The following GLP1R variants were observed in gnomAD, a reference collection of about 807,000 sequenced individuals.
The protein encoded by GLP1R is glucagon like peptide 1 receptor.
A neutral mutation model predicts 68.4 loss-of-function variants in GLP1R; 32 were observed. That is an observed-to-expected ratio of 0.47 (90% CI 0.35 to 0.63). GLP1R has a LOEUF of 0.63. Ranked by LOEUF, GLP1R falls within the 20% of genes least tolerant of loss-of-function variation. GLP1R has a pLI of 0.00. For synonymous variants in GLP1R, 263 were observed against 244.4 expected, an observed-to-expected ratio of 1.08 and a Z score of -0.71; for missense variants, 502 against 594.9, an observed-to-expected ratio of 0.84 and a Z score of 1.62.
intron 1 of GLP1R, among the ~76,000 whole-genome samples, chr6:39,054,052 C>G (rs1387750152): frequency 6.6e-6 from 1 of 152,126 alleles, no homozygotes; most frequent in African/African-American, 2.4e-5. Context: ...CCCCTTCACC[C>G]CAGCCCCACC....
chr6:39,066,132 A>G, intron 4 of GLP1R, 65 bp from the exon 5 acceptor site: 1 of 906,172 alleles, frequency 1.1e-6, no homozygotes, highest in Non-Finnish European at 1.8e-6. Context: ...GTGCCATGGG[A>G]AGGAAGATTG....
intron 3 of GLP1R, among the ~76,000 whole-genome samples, chr6:39,061,493 C>A (rs955039013): frequency 2.0e-5 from 3 of 152,132 alleles, no homozygotes; most frequent in African/African-American, 7.2e-5. Flanking sequence ...GAAACTCTGG[C>A]GGGTGCCTCC....
rs951010399 is a variant in GLP1R at position 39,049,572 on chromosome 6, G to A, written c.78+654G>A. Among the ~76,000 whole-genome samples, 3 of 152,012 alleles carry A rather than the reference G, an allele frequency of 2.0e-5. No homozygotes were observed. ...CAGCCTCTGTAGCAAACAGGCAGAAGGCTCAGTGCCCCCCTGGAAGCAGCC... is the reference window on the plus strand; with the variant it reads ...CAGCCTCTGTAGCAAACAGGCAGAAAGCTCAGTGCCCCCCTGGAAGCAGCC... On this transcript the variant is annotated intron_variant, in intron 1 of 12. Coordinates refer to ENST00000373256, the MANE Select transcript of GLP1R (RefSeq NM_002062.5). The surrounding 1 kb of genome is among the most constrained non-coding windows in gnomAD (Gnocchi z 4.5).
At chr6:39,072,099 T>C (rs1768685390) in intron 5 of GLP1R, among the ~76,000 whole-genome samples, 1 of 152,264 alleles carries the variant, frequency 6.6e-6, no homozygotes, top group Admixed American at 6.5e-5. Flanking sequence ...GCAACCTTGC[T>C]AAACTGTCTT....
In GLP1R at chr6:39,079,244, C is replaced by T. The variant is rs749947512; in HGVS notation, c.1043+44C>T. 6.8e-6 allele frequency: 9 copies of T among 1,316,302 alleles called. No homozygotes were observed. Among genetic ancestry groups the T allele is most frequent in the South Asian group, 5.9e-5 (5 of 85,104 alleles). The allele number at this position is 1,316,302 out of a possible 1,614,324, so 81.5% of individuals were successfully genotyped here. On this transcript the variant is annotated intron_variant, in intron 10 of 12. Transcript: ENST00000373256. The surrounding 1 kb of genome is among the most constrained non-coding windows in gnomAD (Gnocchi z 4.5). ...CTTTACTGAGGACCCTCAGCAAGTG[C>T]CCCTTTCCTTCTAGCAGAGAGAGAG...
At position 39,072,870 on chromosome 6, in the gene GLP1R, A is replaced by G. The variant is rs745360395; in HGVS notation, c.518A>G (p.His173Arg). ...SAILLGFRHL[H>R]CTRNYIHLNL... The stretch of plus-strand genomic sequence containing the variant: ...CCTGCTTTCTCCCTCAGACACCTGC[A>G]CTGCACCAGGAACTACATCCACCTG... Residue 173 changes from histidine to arginine, a missense_variant, in exon 6 of 13, where the codon CAC (histidine) becomes CGC (arginine). Physicochemically the swap from His to Arg is conservative, Grantham distance 29 (BLOSUM62 0). Coordinates refer to ENST00000373256, the MANE Select transcript of GLP1R (RefSeq NM_002062.5). The G allele has an allele frequency of 1.7e-5, 27 of 1,613,816 alleles. 1 individual carries two copies. The highest frequency in any genetic ancestry group is 7.7e-5 in the South Asian group (7 of 91,058).
Position 39,079,792 on chromosome 6 carries a change from G to A in GLP1R, c.1182+90G>A. 5 of 1,204,182 alleles carry A rather than the reference G, an allele frequency of 4.2e-6. No individual in the cohort carries two copies. The Middle Eastern group carries it at 5.8e-4, about 140-fold the overall frequency. 74.6% of individuals were successfully genotyped at this position (1,204,182 alleles called of 1,614,324 possible). On this transcript the variant is annotated intron_variant, in intron 11 of 12. Transcript: ENST00000373256. The surrounding 1 kb of genome is among the most constrained non-coding windows in gnomAD (Gnocchi z 4.5). ...CTGCATCATGCAGATGGAAAAGGTGGGAAGACTGGGACCTGGAGGGGTGAT... is the reference window on the plus strand; with the variant it reads ...CTGCATCATGCAGATGGAAAAGGTGAGAAGACTGGGACCTGGAGGGGTGAT...
In GLP1R at chr6:39,079,984, C is replaced by A. The variant is rs778177049; in HGVS notation, c.1182+282C>A. Among the ~76,000 whole-genome samples the A allele has an allele frequency of 2.0e-5, 3 of 152,132 alleles. No homozygotes were observed. In the South Asian group the frequency reaches 6.2e-4, roughly 32 times the overall value. On this transcript the variant is annotated intron_variant, in intron 11 of 12. Transcript: ENST00000373256. This position sits in a 1 kb window ranked among gnomAD's most constrained non-coding sequence, Gnocchi z 4.5. ...CTGCCATCTACTTGGTGGCGAGCAC[C>A]CTGCCAGGTGCTTTACATGCATTGT...
intron 12 of GLP1R, among the ~76,000 whole-genome samples, chr6:39,083,708 G>A (rs937491941): frequency 6.6e-6 from 1 of 152,144 alleles, no homozygotes; most frequent in African/African-American, 2.4e-5. Flanking sequence ...CGAATCCTGA[G>A]GCTGGCATGG....
At position 39,079,223 on chromosome 6, in the gene GLP1R, AC is replaced by A. The variant is rs1272947308; in HGVS notation, c.1043+24del. Reference sequence around the variant, plus strand: ...CAGGTGATGTAACTGAGCTGGCTTTACTGAGGACCCTCAGCAAGTGCCCCTT... The same window carrying A: ...CAGGTGATGTAACTGAGCTGGCTTTATGAGGACCCTCAGCAAGTGCCCCTT... On this transcript the variant is annotated intron_variant, in intron 10 of 12. Coordinates refer to ENST00000373256, the MANE Select transcript of GLP1R (RefSeq NM_002062.5). This position sits in a 1 kb window ranked among gnomAD's most constrained non-coding sequence, Gnocchi z 4.5. 2.0e-6 allele frequency: 3 copies of A among 1,514,980 alleles called. No individual in the cohort carries two copies. The highest frequency in any genetic ancestry group is 3.3e-5 in the Admixed American group (2 of 59,904). The allele number at this position is 1,514,980 out of a possible 1,614,324, so 93.8% of individuals were successfully genotyped here. A position where few individuals can be genotyped will look rare whatever the true frequency, so the allele number is the denominator to read the frequency against.
Position 39,050,253 on chromosome 6 carries a change from G to A in GLP1R, c.78+1335G>A, listed in dbSNP as rs116121489. ...GCGGCTGGGATCTTTCAGGGGCCAG[G>A]GCTGCAGACCCAAGATGTGGTTCTT... On this transcript the variant is annotated intron_variant, in intron 1 of 12. Transcript: ENST00000373256. Among the ~76,000 whole-genome samples the A allele has an allele frequency of 5.9e-5, 9 of 152,164 alleles. No homozygotes were observed. The East Asian group carries it at 1.7e-3, about 29-fold the overall frequency.
intron 5 of GLP1R, among the ~76,000 whole-genome samples, chr6:39,070,335 A>G (rs1353280534): frequency 2.6e-5 from 4 of 152,162 alleles, no homozygotes; most frequent in South Asian, 2.1e-4. Context: ...CCACCATTCC[A>G]TATTCCGTTG....
chr6:39,086,621 C>T lies in GLP1R; in HGVS notation c.*548C>T, dbSNP rs1483929391. 6.5e-6 allele frequency: 1 copy of T among 152,730 alleles called. No homozygotes were observed. Among genetic ancestry groups the T allele is most frequent in the East Asian group, 1.9e-4 (1 of 5,202 alleles). 9.5% of individuals were successfully genotyped at this position (152,730 alleles called of 1,614,324 possible). On this transcript the variant is annotated 3_prime_UTR_variant, in exon 13 of 13. Coordinates refer to ENST00000373256, the MANE Select transcript of GLP1R (RefSeq NM_002062.5). The surrounding 1 kb of genome is among the most constrained non-coding windows in gnomAD (Gnocchi z 4.5). The stretch of plus-strand genomic sequence containing the variant: ...TTTGTGTGTCTGGGTTGCTTATTTC[C>T]CTCATCTTGCCCCCTCATCTCACTG...
chr6:39,055,734 T>A (rs3799707), intron 1 of GLP1R, among the ~76,000 whole-genome samples: 4 of 149,874 alleles, frequency 2.7e-5, no homozygotes, highest in Admixed American at 6.6e-5. Flanking sequence ...GGGTGGGGGG[T>A]GCTGTGTTGA....
Position 39,049,707 on chromosome 6 carries a change from G to A in GLP1R, c.78+789G>A, listed in dbSNP as rs1768042056. 6.6e-6 allele frequency among the ~76,000 whole-genome samples: 1 copy of A among 152,180 alleles called. No homozygotes were observed. Among genetic ancestry groups the A allele is most frequent in the African/African-American group, 2.4e-5 (1 of 41,446 alleles). Reference sequence around the variant, plus strand: ...CGCAAGAACACCTGGGCTCCTTGGTGCCACCAGAGAGCAGGCCACAGGTGG... The same window carrying A: ...CGCAAGAACACCTGGGCTCCTTGGTACCACCAGAGAGCAGGCCACAGGTGG... On this transcript the variant is annotated intron_variant, in intron 1 of 12. Transcript: ENST00000373256. This position sits in a 1 kb window ranked among gnomAD's most constrained non-coding sequence, Gnocchi z 4.5.
intron 1 of GLP1R, among the ~76,000 whole-genome samples, chr6:39,055,818 C>T (rs1032913455): frequency 6.6e-6 from 1 of 152,062 alleles, no homozygotes; most frequent in Non-Finnish European, 1.5e-5. Flanking sequence ...TAGCCCTGAA[C>T]GCCACTACTC....
intron 5 of GLP1R, among the ~76,000 whole-genome samples, chr6:39,070,242 T>C (rs1768624062): frequency 6.6e-6 from 1 of 152,228 alleles, no homozygotes; most frequent in African/African-American, 2.4e-5. Flanking sequence ...AGAAATATTT[T>C]TCTGTAATTT....
At chr6:39,063,070 T>A (rs1395844207) in intron 3 of GLP1R, among the ~76,000 whole-genome samples, 1 of 152,202 alleles carries the variant, frequency 6.6e-6, no homozygotes, top group Non-Finnish European at 1.5e-5. Context: ...GAGTCCTGGG[T>A]ATGCGGGTCT....
At chr6:39,071,291 A>C (rs918017348) in intron 5 of GLP1R, among the ~76,000 whole-genome samples, 20 of 144,044 alleles carry the variant, frequency 1.4e-4, no homozygotes, top group African/African-American at 5.2e-4. Context: ...GGCTGCAGTG[A>C]GCCGAGATCA....
Sources: gnomAD v4.1 joint callset for allele counts (sites outside exome capture counted in the v4.1 genomes callset) on GRCh38, gnomAD v4.1.1 for gene constraint, Gnocchi (gnomAD v3.1) non-coding constraint, MANE v1.5 for transcripts, NCBI Gene and HGNC (gene_info 2026-07-23, HGNC 2026-07-21) for gene names.